Variants in NKAIN2 observed in about 807,000 individuals in gnomAD.
NKAIN2 encodes the protein sodium/potassium transporting ATPase interacting 2.
NKAIN2 carries 14 observed loss-of-function variants against 32.6 expected under a neutral mutation model. The ratio of observed to expected loss-of-function variants is 0.43; its 90% CI spans 0.28 to 0.67. The LOEUF (loss-of-function observed/expected upper bound fraction) is 0.67, where lower values mean the gene tolerates loss of function less well. NKAIN2 is among the 30% of genes least tolerant of loss of function. The pLI is 0.17. For missense variants in NKAIN2, 198 were observed against 258.3 expected, an observed-to-expected ratio of 0.77 and a Z score of 1.60; for synonymous variants, 80 against 87.2, an observed-to-expected ratio of 0.92 and a Z score of 0.46.
At chr6:124,167,672 T>G (rs986803196) in intron 1 of NKAIN2, among the ~76,000 whole-genome samples, 7 of 152,164 alleles carry the variant, frequency 4.6e-5, no homozygotes, top group African/African-American at 1.7e-4. Context: ...AGATAGCTCT[T>G]ATTATTTTGA....
intron 5 of NKAIN2, among the ~76,000 whole-genome samples, chr6:124,817,501 T>C (rs1036345046): frequency 1.3e-5 from 2 of 152,116 alleles, no homozygotes; most frequent in Non-Finnish European, 1.5e-5. Flanking sequence ...TGTGGCATCA[T>C]GGCTGTGTTC....
intron 1 of NKAIN2, among the ~76,000 whole-genome samples, chr6:123,913,680 T>C (rs1243736450): frequency 1.3e-5 from 2 of 152,170 alleles, no homozygotes; most frequent in East Asian, 3.9e-4. Context: ...TTTATACAAA[T>C]ATTATTTGTA....
At chr6:124,334,506 T>C (rs1228679908) in intron 2 of NKAIN2, among the ~76,000 whole-genome samples, 2 of 151,182 alleles carry the variant, frequency 1.3e-5, no homozygotes, top group Non-Finnish European at 2.9e-5. Context: ...AGACTACTGA[T>C]TGGTCAGGCT....
At chr6:124,173,434 C>A (rs1788995296) in intron 1 of NKAIN2, among the ~76,000 whole-genome samples, 1 of 152,054 alleles carries the variant, frequency 6.6e-6, no homozygotes, top group African/African-American at 2.4e-5. Context: ...CCTATTCCTA[C>A]CTCAAAAACT....
intron 1 of NKAIN2, among the ~76,000 whole-genome samples, chr6:124,016,310 C>G (rs1377749193): frequency 6.6e-6 from 1 of 152,110 alleles, no homozygotes; most frequent in Non-Finnish European, 1.5e-5. Flanking sequence ...CTGTCAAAAA[C>G]TAGTTAATCA....
chr6:124,275,182 C>T (rs1794973877), intron 1 of NKAIN2, among the ~76,000 whole-genome samples: 1 of 151,946 alleles, frequency 6.6e-6, no homozygotes, highest in Admixed American at 6.6e-5. Flanking sequence ...GTTATCACAA[C>T]TAGAGTATTA....
intron 4 of NKAIN2, among the ~76,000 whole-genome samples, chr6:124,744,557 G>A (rs1311236663): frequency 6.6e-6 from 1 of 151,492 alleles, no homozygotes; most frequent in Non-Finnish European, 1.5e-5. Flanking sequence ...GGTAGGGCGA[G>A]ATCTTACTTT....
intron 3 of NKAIN2, among the ~76,000 whole-genome samples, chr6:124,499,372 T>C (rs948040774): frequency 2.0e-5 from 3 of 152,304 alleles, no homozygotes; most frequent in South Asian, 4.1e-4. Flanking sequence ...ATATCTTAAA[T>C]AGTCATTCTG....
intron 1 of NKAIN2, among the ~76,000 whole-genome samples, chr6:123,844,197 C>T (rs181926804): frequency 6.6e-6 from 1 of 152,204 alleles, no homozygotes; most frequent in Admixed American, 6.5e-5. Context: ...TTCTCTGAAC[C>T]CCAACCGTGT....
intron 1 of NKAIN2, among the ~76,000 whole-genome samples, chr6:123,824,670 C>T (rs1182772117): frequency 1.3e-5 from 2 of 151,296 alleles, no homozygotes; most frequent in African/African-American, 4.9e-5. Context: ...ACCACCATGG[C>T]ACATGTATAC....
At chr6:124,515,834 G>C (rs200542773) in intron 3 of NKAIN2, among the ~76,000 whole-genome samples, 1 of 6,336 alleles carries the variant, frequency 1.6e-4, no homozygotes, top group African/African-American at 6.0e-4. Flanking sequence ...GGGACTACAG[G>C]CTGTTCTCGT....
chr6:124,164,567 A>G (rs1217015127), intron 1 of NKAIN2, among the ~76,000 whole-genome samples: 1 of 152,058 alleles, frequency 6.6e-6, no homozygotes, highest in African/African-American at 2.4e-5. Context: ...TCCAAGTTTT[A>G]AGAAGTTGCA....
At chr6:124,176,098 G>C (rs1405827020) in intron 1 of NKAIN2, among the ~76,000 whole-genome samples, 1 of 152,120 alleles carries the variant, frequency 6.6e-6, no homozygotes, top group Non-Finnish European at 1.5e-5. Context: ...TGGTTTTCCA[G>C]TACATATAAG....
At chr6:124,351,045 C>T (rs994634633) in intron 2 of NKAIN2, among the ~76,000 whole-genome samples, 2 of 152,044 alleles carry the variant, frequency 1.3e-5, no homozygotes, top group African/African-American at 4.8e-5. Flanking sequence ...TAAAACAAGA[C>T]ATAGAAAATG....
chr6:124,625,018 T>C (rs1783256982), intron 3 of NKAIN2, among the ~76,000 whole-genome samples: 1 of 152,296 alleles, frequency 6.6e-6, no homozygotes, highest in South Asian at 2.1e-4. Context: ...ACTAAGATAA[T>C]TAAATATTTA....
chr6:124,496,669 C>G (rs1778074254), intron 3 of NKAIN2, among the ~76,000 whole-genome samples: 1 of 152,022 alleles, frequency 6.6e-6, no homozygotes, highest in African/African-American at 2.4e-5. Context: ...TGGGCTGAAG[C>G]TATAGCAACA....
chr6:124,377,228 A>G (rs1036598136), intron 3 of NKAIN2, among the ~76,000 whole-genome samples: 3 of 152,194 alleles, frequency 2.0e-5, no homozygotes, highest in African/African-American at 7.2e-5. Context: ...ATTTACCATT[A>G]TTCTCTTATT....
chr6:124,759,525 G>T (rs1055331331), intron 4 of NKAIN2, among the ~76,000 whole-genome samples: 1 of 147,828 alleles, frequency 6.8e-6, no homozygotes, highest in African/African-American at 2.5e-5. Flanking sequence ...CTTTCTTTCG[G>T]TTTTTGTCCA....
chr6:124,329,505 C>A (rs1797564022), intron 2 of NKAIN2, among the ~76,000 whole-genome samples: 1 of 152,158 alleles, frequency 6.6e-6, no homozygotes, highest in Admixed American at 6.6e-5. Context: ...ATCCACAGAG[C>A]CTAATTTGTG....
Sources: gnomAD v4.1 joint callset for allele counts (sites outside exome capture counted in the v4.1 genomes callset) on GRCh38, gnomAD v4.1.1 for gene constraint, MANE v1.5 for transcripts, NCBI Gene and HGNC (gene_info 2026-07-23, HGNC 2026-07-21) for gene names.